SNTG1: variants seen among roughly 807,000 people sequenced by gnomAD.
SNTG1 encodes gamma-1-syntrophin.
In SNTG1, 39 loss-of-function variants were observed where a neutral mutation model predicts 74.7. The observed-to-expected ratio is 0.52, with a 90% CI of 0.40 to 0.68. The LOEUF (loss-of-function observed/expected upper bound fraction) is 0.68. SNTG1 is among the 30% of genes least tolerant of loss of function. SNTG1 has a pLI of 0.00. For missense variants in SNTG1, 685 were observed against 609.5 expected (o/e 1.12, Z -1.30); for synonymous variants, 254 against 217.1 (o/e 1.17, Z -1.49).
chr8:50,231,658 T>C lies in SNTG1; in HGVS notation c.-28+59023T>C, dbSNP rs187140457. On this transcript the variant is annotated intron_variant, in intron 2 of 18. Coordinates refer to ENST00000642720, the MANE Select transcript of SNTG1 (RefSeq NM_018967.5). ...GATTCCAAATGTTCTCACTTATATA[T>C]GAAATCTAAAAAGAAACGTTTAGAA... Among the ~76,000 whole-genome samples, 6 of 151,464 alleles carry C rather than the reference T, an allele frequency of 4.0e-5. No individual in the cohort carries two copies. The East Asian group carries it at 9.6e-4, about 24-fold the overall frequency.
chr8:50,271,424 T>C (rs2087773561), intron 2 of SNTG1, among the ~76,000 whole-genome samples: 1 of 152,174 alleles, frequency 6.6e-6, no homozygotes, highest in Non-Finnish European at 1.5e-5. Context: ...AAATATTTTA[T>C]TTTGGCATCT....
At chr8:50,206,242 G>A (rs1394588025) in intron 2 of SNTG1, among the ~76,000 whole-genome samples, 1 of 151,890 alleles carries the variant, frequency 6.6e-6, no homozygotes, top group Non-Finnish European at 1.5e-5. Flanking sequence ...CTTTTATTTT[G>A]TTGAGCAGTG....
At chr8:50,336,545 C>A (rs1444758948) in intron 2 of SNTG1, among the ~76,000 whole-genome samples, 1 of 152,074 alleles carries the variant, frequency 6.6e-6, no homozygotes, top group Non-Finnish European at 1.5e-5. Flanking sequence ...TATTTACATG[C>A]TGCATATCAA....
chr8:50,688,630 A>G (rs2095363553), intron 15 of SNTG1, among the ~76,000 whole-genome samples: 1 of 152,164 alleles, frequency 6.6e-6, no homozygotes, highest in Admixed American at 6.5e-5. Flanking sequence ...CTGTTTTGGT[A>G]CCAGTACCAT....
chr8:50,243,470 T>TA (rs1312510065), intron 2 of SNTG1, among the ~76,000 whole-genome samples: 1 of 152,172 alleles, frequency 6.6e-6, no homozygotes, highest in Non-Finnish European at 1.5e-5. Flanking sequence ...ATCTTAGAAA[T>TA]AAAAACTCTC....
At chr8:50,546,667 A>G (rs1161006062) in intron 11 of SNTG1, among the ~76,000 whole-genome samples, 4 of 152,040 alleles carry the variant, frequency 2.6e-5, no homozygotes, top group African/African-American at 9.7e-5. Context: ...TTTGCTGAGA[A>G]TGATGGTTTC....
chr8:50,017,595 T>G (rs1013524457), intron 1 of SNTG1, among the ~76,000 whole-genome samples: 17 of 151,850 alleles, frequency 1.1e-4, no homozygotes, highest in Admixed American at 1.1e-3. Context: ...CAAGGCAAGA[T>G]TGAATCAAGA....
intron 18 of SNTG1, among the ~76,000 whole-genome samples, chr8:50,759,012 C>A (rs369728062): frequency 1.3e-5 from 2 of 152,016 alleles, no homozygotes; most frequent in East Asian, 3.9e-4. Flanking sequence ...TTCTAACTGA[C>A]GTGAGATGGT....
chr8:50,450,417 T>C (rs2093445085), intron 6 of SNTG1, 139 bp from the exon 7 acceptor site: 1 of 820,626 alleles, frequency 1.2e-6, no homozygotes, highest in South Asian at 1.8e-5. Flanking sequence ...TTCCATTTTT[T>C]GTGGATCTTT....
At chr8:50,541,791 T>G (rs2094348962) in intron 11 of SNTG1, among the ~76,000 whole-genome samples, 2 of 151,946 alleles carry the variant, frequency 1.3e-5, no homozygotes, top group Admixed American at 6.6e-5. Context: ...TTTGTGTTCA[T>G]CAATCAACTT....
intron 1 of SNTG1, among the ~76,000 whole-genome samples, chr8:50,161,334 A>T (rs924285120): frequency 6.6e-6 from 1 of 152,200 alleles, no homozygotes; most frequent in African/African-American, 2.4e-5. Flanking sequence ...GACTTAAGGA[A>T]AGTACACAGT....
chr8:50,369,887 T>C (rs2092228010), intron 2 of SNTG1, among the ~76,000 whole-genome samples: 1 of 152,148 alleles, frequency 6.6e-6, no homozygotes, highest in Non-Finnish European at 1.5e-5. Flanking sequence ...CTGAGTTGGT[T>C]CTGAAGTATC....
intron 13 of SNTG1, among the ~76,000 whole-genome samples, chr8:50,620,685 T>A (rs1001218464): frequency 1.3e-5 from 2 of 152,146 alleles, no homozygotes; most frequent in African/African-American, 4.8e-5. Context: ...CAAATACATA[T>A]TTACAGGAGA....
chr8:50,107,198 C>T (rs1167743476), intron 1 of SNTG1, among the ~76,000 whole-genome samples: 1 of 152,076 alleles, frequency 6.6e-6, no homozygotes, highest in African/African-American at 2.4e-5. Context: ...ATATCTTTAC[C>T]TTTTATAAAT....
At chr8:50,716,774 C>A (rs1286812857) in intron 17 of SNTG1, among the ~76,000 whole-genome samples, 1 of 151,606 alleles carries the variant, frequency 6.6e-6, no homozygotes, top group Non-Finnish European at 1.5e-5. Flanking sequence ...ACACTGTCGC[C>A]CAGGCTGGAG....
At chr8:50,210,327 TC>T (rs368389936) in intron 2 of SNTG1, among the ~76,000 whole-genome samples, 2 of 152,124 alleles carry the variant, frequency 1.3e-5, no homozygotes, top group African/African-American at 4.8e-5. Flanking sequence ...CAGGAGAACT[TC>T]CCCAACCTAG....
chr8:50,257,679 T>G (rs1372230646), intron 2 of SNTG1, among the ~76,000 whole-genome samples: 1 of 152,166 alleles, frequency 6.6e-6, no homozygotes, highest in African/African-American at 2.4e-5. Context: ...TCTCACATGC[T>G]TAGTGTTTCA....
intron 8 of SNTG1, among the ~76,000 whole-genome samples, chr8:50,495,063 CTGAAATTTTAGGAATTG>C (rs1000732709): frequency 2.6e-5 from 4 of 151,872 alleles, no homozygotes; most frequent in Admixed American, 1.3e-4. Context: ...TTATTTTAGG[CTGAAATTTTAGGAATTG>C]TGAAATTTTA....
intron 11 of SNTG1, among the ~76,000 whole-genome samples, chr8:50,545,480 CAT>C (rs1226368169): frequency 7.0e-6 from 1 of 142,166 alleles, no homozygotes; most frequent in Non-Finnish European, 1.5e-5. Context: ...ATATTATATA[CAT>C]GTTATATAAA....
Sources: gnomAD v4.1 joint callset for allele counts (sites outside exome capture counted in the v4.1 genomes callset) on GRCh38, gnomAD v4.1.1 for gene constraint, MANE v1.5 for transcripts, NCBI Gene and HGNC (gene_info 2026-07-23, HGNC 2026-07-21) for gene names.